Variants in HPSE2 observed in about 807,000 individuals in gnomAD.
HPSE2 encodes the protein heparanase 2 (inactive).
Under a neutral mutation model 60.5 loss-of-function variants are expected in HPSE2, and 38 were observed. The observed-to-expected ratio is 0.63, with a 90% CI of 0.48 to 0.82. HPSE2 has a LOEUF of 0.82. HPSE2 is among the 40% of genes least tolerant of loss of function. The pLI is 0.00. For missense variants in HPSE2, 713 were observed against 740.4 expected, an observed-to-expected ratio of 0.96 and a Z score of 0.43; for synonymous variants, 295 against 293.2, an observed-to-expected ratio of 1.01 and a Z score of -0.06.
chr10:99,184,799 T>TATATATATATATA (rs1847916739), intron 2 of HPSE2, among the ~76,000 whole-genome samples: 1 of 30,836 alleles, frequency 3.2e-5, no homozygotes, highest in African/African-American at 6.8e-5. Flanking sequence ...TATATATATA[T>TATATATATATATA]ATATATATAT....
chr10:98,683,240 G>C (rs1947829479), intron 6 of HPSE2, among the ~76,000 whole-genome samples: 1 of 151,966 alleles, frequency 6.6e-6, no homozygotes, highest in Admixed American at 6.6e-5. Context: ...AATAAGAGTA[G>C]AGATTCAGGG....
At chr10:98,576,563 G>A (rs982501666) in intron 9 of HPSE2, among the ~76,000 whole-genome samples, 9 of 152,088 alleles carry the variant, frequency 5.9e-5, no homozygotes, top group African/African-American at 1.4e-4. Flanking sequence ...GGGGGACAGA[G>A]GAGAGAAGAG....
At chr10:98,582,750 A>G (rs1419329350) in intron 9 of HPSE2, among the ~76,000 whole-genome samples, 1 of 152,226 alleles carries the variant, frequency 6.6e-6, no homozygotes, top group Non-Finnish European at 1.5e-5. Context: ...ACCTTTATTA[A>G]GATATAATTC....
intron 3 of HPSE2, among the ~76,000 whole-genome samples, chr10:98,837,504 TCAAATTTAGAA>T (rs1951816048): frequency 2.0e-5 from 3 of 152,152 alleles, no homozygotes; most frequent in African/African-American, 2.4e-5. Flanking sequence ...GAAACAAAGA[TCAAATTTAGAA>T]CAAATACCAA....
chr10:98,548,039 G>T (rs1302626616), intron 9 of HPSE2, among the ~76,000 whole-genome samples: 1 of 152,122 alleles, frequency 6.6e-6, no homozygotes, highest in Non-Finnish European at 1.5e-5. Context: ...TGGAAATACA[G>T]ATATGGACAA....
At chr10:99,014,759 G>T (rs531771784) in intron 3 of HPSE2, among the ~76,000 whole-genome samples, 52 of 151,984 alleles carry the variant, frequency 3.4e-4, no homozygotes, top group African/African-American at 1.2e-3. Flanking sequence ...TTTTAAACAT[G>T]GGCAAGGACT....
At chr10:98,471,405 TAGA>T (rs897291373) in intron 11 of HPSE2, among the ~76,000 whole-genome samples, 38 of 152,160 alleles carry the variant, frequency 2.5e-4, no homozygotes, top group African/African-American at 8.2e-4. Flanking sequence ...ACACCACGGG[TAGA>T]AGAAGGGGCG....
chr10:99,235,276 G>C (rs1849802945), intron 1 of HPSE2, among the ~76,000 whole-genome samples: 1 of 152,146 alleles, frequency 6.6e-6, no homozygotes, highest in African/African-American at 2.4e-5. Flanking sequence ...TAACTGATAA[G>C]TTTCTGAAAT....
At chr10:99,160,883 A>G (rs1589753837) in intron 2 of HPSE2, among the ~76,000 whole-genome samples, 2 of 129,248 alleles carry the variant, frequency 1.5e-5, no homozygotes, top group South Asian at 5.8e-4. Context: ...TGGGCGACAC[A>G]GCGAGACTCC....
chr10:99,167,975 GATTA>G (rs1235662990), intron 2 of HPSE2, among the ~76,000 whole-genome samples: 1 of 151,002 alleles, frequency 6.6e-6, no homozygotes, highest in East Asian at 1.9e-4. Flanking sequence ...CATTTTATTA[GATTA>G]GTTAGGGAAG....
intron 3 of HPSE2, among the ~76,000 whole-genome samples, chr10:98,934,145 C>G (rs1469451323): frequency 6.9e-6 from 1 of 144,114 alleles, no homozygotes; most frequent in East Asian, 2.0e-4. Context: ...TCCTCCATCC[C>G]TTTCTTATGA....
At chr10:98,870,716 T>C (rs1306602529) in intron 3 of HPSE2, among the ~76,000 whole-genome samples, 2 of 152,154 alleles carry the variant, frequency 1.3e-5, no homozygotes, top group Non-Finnish European at 2.9e-5. Context: ...ATGAGAATAA[T>C]TCTACCTACT....
chr10:99,031,388 A>T (rs751430998), intron 3 of HPSE2, among the ~76,000 whole-genome samples: 13 of 152,144 alleles, frequency 8.5e-5, no homozygotes, highest in Non-Finnish European at 1.8e-4. Flanking sequence ...AACCCTATGC[A>T]TTATCCCCTG....
chr10:98,490,261 TGACACACACA>T (rs2133678593), intron 9 of HPSE2, 65 bp from the exon 10 acceptor site: 3 of 1,323,240 alleles, frequency 2.3e-6, no homozygotes, highest in Non-Finnish European at 3.1e-6. Flanking sequence ...TGAGTAAACA[TGACACACACA>T]CACACACACA....
intron 9 of HPSE2, among the ~76,000 whole-genome samples, chr10:98,521,549 G>A (rs1942792866): frequency 6.6e-6 from 1 of 152,194 alleles, no homozygotes; most frequent in South Asian, 2.1e-4. Context: ...GTGTAAATTA[G>A]TTCAGCCATT....
intron 3 of HPSE2, among the ~76,000 whole-genome samples, chr10:98,841,829 C>T (rs1315997380): frequency 1.9e-4 from 28 of 143,780 alleles, no homozygotes; most frequent in East Asian, 4.6e-4. Context: ...TTTTTTGAGA[C>T]GAAGTCTTGC....
Position 99,144,317 on chromosome 10 carries a change from T to A in HPSE2, c.531A>T (p.Gln177His). The A allele has an allele frequency of 6.2e-7, 1 of 1,614,098 alleles. No homozygotes were observed. Residue 177 changes from glutamine to histidine, a missense_variant, in exon 3 of 12, where the codon CAA becomes CAT. By Grantham distance (24) the Gln-to-His change is conservative (BLOSUM62 0). Coordinates refer to ENST00000370552, the MANE Select transcript of HPSE2 (RefSeq NM_021828.5). ...AQHPDVMLELQREKAAQMHLV... is the reference protein window; with the variant it reads ...AQHPDVMLELHREKAAQMHLV... ...GATGCATCTGAGCTGCCTTCTCCCT[T>A]TGGAGCTCCAGCATAACATCAGGGT...
intron 3 of HPSE2, among the ~76,000 whole-genome samples, chr10:98,764,159 T>C (rs1950068277): frequency 6.6e-6 from 1 of 152,238 alleles, no homozygotes; most frequent in Middle Eastern, 3.4e-3. Context: ...TTAGTAAAAA[T>C]GGTAGAAATG....
At chr10:99,166,975 C>T (rs1048340484) in intron 2 of HPSE2, among the ~76,000 whole-genome samples, 2 of 151,280 alleles carry the variant, frequency 1.3e-5, no homozygotes, top group African/African-American at 4.9e-5. Context: ...ATGGATCATA[C>T]TTTCTTTTTT....
Sources: gnomAD v4.1 joint callset for allele counts (sites outside exome capture counted in the v4.1 genomes callset) on GRCh38, gnomAD v4.1.1 for gene constraint, MANE v1.5 for transcripts, NCBI Gene and HGNC (gene_info 2026-07-23, HGNC 2026-07-21) for gene names.